EXOC6B: variants seen among roughly 807,000 people sequenced by gnomAD.
EXOC6B encodes exocyst complex component 6B, also known as SEC15 homolog B.
In EXOC6B, 54 loss-of-function variants were observed where a neutral mutation model predicts 113.5. The observed-to-expected ratio is 0.48, with a 90% CI of 0.38 to 0.60. The LOEUF (loss-of-function observed/expected upper bound fraction) is 0.60, where lower values mean the gene tolerates loss of function less well. Ranked by LOEUF, EXOC6B falls within the 20% of genes least tolerant of loss-of-function variation. The pLI is 0.00. For missense variants in EXOC6B, 797 were observed against 977.5 expected (o/e 0.82, Z 2.46); for synonymous variants, 357 against 339.0 (o/e 1.05, Z -0.58).
At chr2:72,271,582 G>A (rs577488475) in intron 20 of EXOC6B, among the ~76,000 whole-genome samples, 2 of 151,462 alleles carry the variant, frequency 1.3e-5, no homozygotes, top group East Asian at 3.9e-4. Flanking sequence ...AAGAGAAGGA[G>A]ACAGAATCTA....
At chr2:72,282,879 G>A (rs1685214636) in intron 20 of EXOC6B, among the ~76,000 whole-genome samples, 2 of 152,070 alleles carry the variant, frequency 1.3e-5, no homozygotes, top group South Asian at 4.1e-4. Flanking sequence ...AAATTTATAT[G>A]CACCTAGTAA....
chr2:72,399,898 C>T (rs1285744120), intron 18 of EXOC6B, among the ~76,000 whole-genome samples: 1 of 152,076 alleles, frequency 6.6e-6, no homozygotes, highest in Non-Finnish European at 1.5e-5. Flanking sequence ...TATCAAAATG[C>T]CAATGTGATT....
intron 20 of EXOC6B, among the ~76,000 whole-genome samples, chr2:72,277,680 A>G (rs6546756): frequency 0.42 from 64,246 of 151,616 alleles, 19,149 homozygotes; most frequent in African/African-American, 0.85. Context: ...TTTCAGTAGT[A>G]GTGAGGTTTC....
At position 72,403,122 on chromosome 2, in the gene EXOC6B, A is replaced by G. The variant is rs899486766; in HGVS notation, c.1981-23252T>C. ...CAGGTGAAAGATTAGGGTCTATTTA[A>G]GTCTTTTCTGAGTGTATTGCACTTA... On this transcript the variant is annotated intron_variant, in intron 18 of 21. Coordinates refer to ENST00000272427, the MANE Select transcript of EXOC6B (RefSeq NM_015189.3). 5.3e-5 allele frequency among the ~76,000 whole-genome samples: 8 copies of G among 152,326 alleles called. No homozygotes were observed. In the South Asian group the frequency reaches 1.0e-3, roughly 20 times the overall value.
chr2:72,514,605 AATATATAT>A (rs58454184), intron 10 of EXOC6B, 21 bp downstream of exon 10: 2 of 149,880 alleles, frequency 1.3e-5, no homozygotes, highest in African/African-American at 3.9e-5. Flanking sequence ...TAAATAAATA[AATATATAT>A]ATATATATAT....
chr2:72,318,794 T>C (rs1258075442), intron 20 of EXOC6B, among the ~76,000 whole-genome samples: 1 of 152,098 alleles, frequency 6.6e-6, no homozygotes, highest in Non-Finnish European at 1.5e-5. Context: ...CACTAGTAAA[T>C]TCATATCCTT....
intron 1 of EXOC6B, among the ~76,000 whole-genome samples, chr2:72,787,031 C>G (rs971138073): frequency 1.3e-5 from 2 of 151,990 alleles, no homozygotes; most frequent in Admixed American, 6.6e-5. Context: ...CAGAAGCAAT[C>G]TGATCACAAA....
intron 6 of EXOC6B, 71 bp downstream of exon 6, chr2:72,718,032 C>A (rs1679737693): frequency 1.7e-6 from 2 of 1,176,654 alleles, no homozygotes; most frequent in South Asian, 1.7e-5. Flanking sequence ...AGACACTTGG[C>A]AAAGAGAAAC....
intron 6 of EXOC6B, among the ~76,000 whole-genome samples, chr2:72,629,209 A>G (rs956784886): frequency 6.6e-6 from 1 of 152,206 alleles, no homozygotes; most frequent in Non-Finnish European, 1.5e-5. Context: ...TAAATATAAC[A>G]TTCCAGATGT....
intron 6 of EXOC6B, among the ~76,000 whole-genome samples, chr2:72,651,835 G>A (rs545308760): frequency 6.5e-4 from 99 of 152,140 alleles, no homozygotes; most frequent in African/African-American, 2.3e-3. Context: ...GGGTGGTCTC[G>A]ATCTCCTGAC....
At chr2:72,798,346 T>C (rs1685088400) in intron 1 of EXOC6B, among the ~76,000 whole-genome samples, 1 of 152,108 alleles carries the variant, frequency 6.6e-6, no homozygotes, top group South Asian at 2.1e-4. Context: ...CATAGTCACC[T>C]TAACCAAATT....
At chr2:72,406,249 T>C (rs1261737356) in intron 18 of EXOC6B, among the ~76,000 whole-genome samples, 2 of 151,952 alleles carry the variant, frequency 1.3e-5, no homozygotes, top group Non-Finnish European at 2.9e-5. Flanking sequence ...CACACAATAA[T>C]AATGGGAGAC....
At chr2:72,768,126 A>T (rs1289032686) in intron 1 of EXOC6B, among the ~76,000 whole-genome samples, 19 of 150,368 alleles carry the variant, frequency 1.3e-4, no homozygotes, top group South Asian at 2.1e-4. Flanking sequence ...TCCGTTAAAA[A>T]AAAAAAAAAA....
chr2:72,319,426 C>T (rs1220878276), intron 20 of EXOC6B, among the ~76,000 whole-genome samples: 1 of 152,044 alleles, frequency 6.6e-6, no homozygotes, highest in South Asian at 2.1e-4. Flanking sequence ...CAAAAGGTAT[C>T]TAGACTGGAA....
chr2:72,595,130 A>G (rs1463661985), intron 6 of EXOC6B, among the ~76,000 whole-genome samples: 3 of 151,800 alleles, frequency 2.0e-5, no homozygotes, highest in African/African-American at 7.3e-5. Context: ...GCGTGGTGGC[A>G]AATGCTTGTA....
At chr2:72,378,687 G>A (rs1158470388) in intron 19 of EXOC6B, among the ~76,000 whole-genome samples, 1 of 152,076 alleles carries the variant, frequency 6.6e-6, no homozygotes, top group Non-Finnish European at 1.5e-5. Flanking sequence ...GTCAACCAAA[G>A]GAAACTAATA....
intron 18 of EXOC6B, among the ~76,000 whole-genome samples, chr2:72,429,128 A>C (rs1695377406): frequency 6.6e-6 from 1 of 152,218 alleles, no homozygotes; most frequent in Non-Finnish European, 1.5e-5. Context: ...AATATTCTAA[A>C]ACTTTTCTGA....
At position 72,234,083 on chromosome 2, in the gene EXOC6B, C is replaced by CTTT. The variant is rs34660222; in HGVS notation, c.2197-49899_2197-49897dup. Among the ~76,000 whole-genome samples, 264 of 131,866 alleles carry CTTT rather than the reference C, an allele frequency of 2.0e-3. 2 individuals carry two copies. Among genetic ancestry groups the CTTT allele is most frequent in the African/African-American group, 4.7e-3 (160 of 33,894 alleles). 86.5% of individuals were successfully genotyped at this position (131,866 alleles called of 152,430 possible). A position where few individuals can be genotyped will look rare whatever the true frequency, so the allele number is the denominator to read the frequency against. On this transcript the variant is annotated intron_variant, in intron 20 of 21. Coordinates refer to ENST00000272427, the MANE Select transcript of EXOC6B (RefSeq NM_015189.3). ...GCAGAAGATTGAAGCTGGACCGCCT[C>CTTT]TTTTTTTTTTTTTTTTTTTTTAAGA...
intron 20 of EXOC6B, among the ~76,000 whole-genome samples, chr2:72,256,218 G>A (rs1683346613): frequency 6.6e-6 from 1 of 152,188 alleles, no homozygotes; most frequent in Non-Finnish European, 1.5e-5. Flanking sequence ...TAGAGGATTT[G>A]GAGGGAGCAC....
Sources: gnomAD v4.1 joint callset for allele counts (sites outside exome capture counted in the v4.1 genomes callset) on GRCh38, gnomAD v4.1.1 for gene constraint, MANE v1.5 for transcripts, NCBI Gene and HGNC (gene_info 2026-07-23, HGNC 2026-07-21) for gene names.